The following NLK variants were observed in gnomAD, a reference collection of about 807,000 sequenced individuals.
The protein encoded by NLK is nemo like kinase.
A neutral mutation model predicts 59.0 loss-of-function variants in NLK; 11 were observed. The ratio of observed to expected loss-of-function variants is 0.19; its 90% CI spans 0.12 to 0.31. The LOEUF is 0.31. Among genes scored for constraint, NLK ranks in the 10% least tolerant of loss-of-function variants. The probability of loss-of-function intolerance (pLI) is 1.00; values close to 1 mark genes in which losing one functional copy is unlikely to be tolerated. For synonymous variants in NLK, 235 were observed against 235.9 expected (o/e 1.00, Z 0.03); for missense variants, 410 against 661.1 (o/e 0.62, Z 4.16).
At chr17:28,203,164 T>TACACAC in the NLK span, among the ~76,000 whole-genome samples, 2,803 of 136,994 alleles carry the variant, frequency 0.02, 85 homozygotes, top group African/African-American at 0.051. Flanking sequence ...TATACATACA[T>TACACAC]ACACACACAC....
At chr17:28,180,795 A>G (rs1908873758) in intron 7 of NLK, among the ~76,000 whole-genome samples, 1 of 152,236 alleles carries the variant, frequency 6.6e-6, no homozygotes, top group Admixed American at 6.5e-5. Flanking sequence ...AAAATTTTTC[A>G]GGAATATCAA....
Position 28,133,240 on chromosome 17 carries a change from T to C in NLK, c.644+565T>C, listed in dbSNP as rs541582430. Among the ~76,000 whole-genome samples the C allele has an allele frequency of 2.0e-5, 3 of 152,290 alleles. No homozygotes were observed. In the South Asian group the frequency reaches 6.2e-4, roughly 32 times the overall value. ...TGTTTATTTAATCCTACAAACATTC[T>C]CTGGGGAAGGTATTGTGATTATTCC... On this transcript the variant is annotated intron_variant, in intron 3 of 10. Coordinates refer to ENST00000407008, the MANE Select transcript of NLK (RefSeq NM_016231.5).
At position 28,127,798 on chromosome 17, in the gene NLK, G is replaced by A. The variant is rs79580295; in HGVS notation, c.589-4822G>A. On this transcript the variant is annotated intron_variant, in intron 2 of 10. Coordinates refer to ENST00000407008, the MANE Select transcript of NLK (RefSeq NM_016231.5). Reference sequence around the variant, plus strand: ...AAATAGCCCAGACAATCTTAAAGAAGTTAAATAAAGTTAGAAATTCATACT... The same window carrying A: ...AAATAGCCCAGACAATCTTAAAGAAATTAAATAAAGTTAGAAATTCATACT... Among the ~76,000 whole-genome samples, 27 of 152,264 alleles carry A rather than the reference G, an allele frequency of 1.8e-4. No homozygotes were observed. The East Asian group carries it at 5.0e-3, about 28-fold the overall frequency.
chr17:28,202,254 G>T, the NLK span, among the ~76,000 whole-genome samples: 2 of 152,150 alleles, frequency 1.3e-5, no homozygotes, highest in Non-Finnish European at 2.9e-5. Flanking sequence ...TTAAAAATTA[G>T]CTGGACATGG....
intron 2 of NLK, among the ~76,000 whole-genome samples, chr17:28,125,876 TATTA>T (rs1906271135): frequency 6.6e-6 from 1 of 152,208 alleles, no homozygotes; most frequent in Non-Finnish European, 1.5e-5. Context: ...ACTTTACATA[TATTA>T]ATTAATTTAC....
chr17:28,075,935 A>G lies in NLK; in HGVS notation c.458+32604A>G, dbSNP rs143496700. On this transcript the variant is annotated intron_variant, in intron 1 of 10. Coordinates refer to ENST00000407008, the MANE Select transcript of NLK (RefSeq NM_016231.5). ...CTAAAAACGTCAACAGATAAAATCT[A>G]TCTTTAAAAAACATTTACCCATACA... is the stretch of plus-strand genomic sequence containing the variant. Among the ~76,000 whole-genome samples the G allele has an allele frequency of 3.1e-4, 47 of 152,360 alleles. No homozygotes were observed. In the East Asian group the frequency reaches 7.3e-3, roughly 24 times the overall value.
chr17:28,129,819 G>C (rs1257772715), intron 2 of NLK, among the ~76,000 whole-genome samples: 3 of 152,040 alleles, frequency 2.0e-5, no homozygotes, highest in African/African-American at 7.2e-5. Flanking sequence ...ATTATTCACA[G>C]GAATTATTTT....
intron 4 of NLK, 61 bp downstream of exon 4, chr17:28,161,327 C>T (rs1907994926): frequency 3.3e-6 from 3 of 906,024 alleles, no homozygotes; most frequent in Admixed American, 3.8e-5. Flanking sequence ...TTTTGCTTCT[C>T]ATTTAGACTT....
At chr17:28,185,665 G>A (rs1176219315) in intron 8 of NLK, among the ~76,000 whole-genome samples, 2 of 151,886 alleles carry the variant, frequency 1.3e-5, no homozygotes, top group African/African-American at 2.4e-5. Flanking sequence ...CCTCCTACCC[G>A]AGCCCCCTGA....
At chr17:28,175,241 C>T (rs1352090285) in intron 7 of NLK, among the ~76,000 whole-genome samples, 2 of 150,966 alleles carry the variant, frequency 1.3e-5, no homozygotes, top group East Asian at 2.0e-4. Flanking sequence ...GTCAGGAGAT[C>T]GAGATCATCC....
chr17:28,055,095 CT>C (rs1041966713), intron 1 of NLK, among the ~76,000 whole-genome samples: 4,342 of 132,012 alleles, frequency 0.033, 137 homozygotes, highest in African/African-American at 0.11. Context: ...ATTTTTTTTT[CT>C]TTTTTTTTTT....
chr17:28,082,416 T>C (rs1045758258), intron 1 of NLK, among the ~76,000 whole-genome samples: 1 of 152,230 alleles, frequency 6.6e-6, no homozygotes, highest in African/African-American at 2.4e-5. Context: ...ACCTGAATTA[T>C]AAGGAAATAC....
chr17:28,052,123 C>T (rs1909278230), intron 1 of NLK, among the ~76,000 whole-genome samples: 1 of 152,070 alleles, frequency 6.6e-6, no homozygotes, highest in Non-Finnish European at 1.5e-5. Flanking sequence ...TGAGCAATTT[C>T]TTCTACATGT....
In NLK at chr17:28,115,707, T is replaced by C. The variant is rs542251349; in HGVS notation, c.459-6896T>C. Among the ~76,000 whole-genome samples, 38 of 152,284 alleles carry C rather than the reference T, an allele frequency of 2.5e-4. No individual in the cohort carries two copies. In the South Asian group the frequency reaches 7.0e-3, roughly 28 times the overall value. On this transcript the variant is annotated intron_variant, in intron 1 of 10. Coordinates refer to ENST00000407008, the MANE Select transcript of NLK (RefSeq NM_016231.5). ...TTGGGGGGAGTTGACAATTTTACAA[T>C]GTTGAGTTTTCTAATCTGTGAATAT...
chr17:28,182,697 C>T (rs1908957403), intron 7 of NLK, among the ~76,000 whole-genome samples: 1 of 151,760 alleles, frequency 6.6e-6, no homozygotes, highest in Non-Finnish European at 1.5e-5. Flanking sequence ...CCTTCCCCCA[C>T]CACCCCACCC....
At chr17:28,157,214 CAA>C (rs1298327229) in intron 3 of NLK, among the ~76,000 whole-genome samples, 1 of 151,676 alleles carries the variant, frequency 6.6e-6, no homozygotes, top group African/African-American at 2.4e-5. Flanking sequence ...TTTTTTAAGA[CAA>C]AGTCTTGCTC....
At position 28,045,042 on chromosome 17, in the gene NLK, G is replaced by A. The variant is rs113589059; in HGVS notation, c.458+1711G>A. Reference sequence around the variant, plus strand: ...GAAGGGGGCAATAAAGAACTGGAGTGCTGAAACATCTCACACAGCAAACGT... The same window carrying A: ...GAAGGGGGCAATAAAGAACTGGAGTACTGAAACATCTCACACAGCAAACGT... On this transcript the variant is annotated intron_variant, in intron 1 of 10. Coordinates refer to ENST00000407008, the MANE Select transcript of NLK (RefSeq NM_016231.5). 6.5e-3 allele frequency among the ~76,000 whole-genome samples: 995 copies of A among 152,228 alleles called. 17 individuals are homozygous for A. Among genetic ancestry groups the A allele is most frequent in the African/African-American group, 0.022 (929 of 41,530 alleles).
rs1416186833 is a variant in NLK, at chr17:28,195,458, A to G, written c.*822A>G. ...TTCAAAAGAATCCCAATATTGCTGT[A>G]TAGAAAGAGAACTAGCTTGCACATT... is the stretch of plus-strand genomic sequence containing the variant. On this transcript the variant is annotated 3_prime_UTR_variant, in exon 11 of 11. Coordinates refer to ENST00000407008, the MANE Select transcript of NLK (RefSeq NM_016231.5). 4.6e-5 allele frequency: 7 copies of G among 152,518 alleles called. No homozygotes were observed. 9.4% of individuals were successfully genotyped at this position (152,518 alleles called of 1,614,324 possible).
At chr17:28,118,200 TAG>T (rs1404320914) in intron 1 of NLK, among the ~76,000 whole-genome samples, 1 of 152,144 alleles carries the variant, frequency 6.6e-6, no homozygotes, top group African/African-American at 2.4e-5. Flanking sequence ...TCTAAATATT[TAG>T]AGTTTAGTTA....
Sources: allele counts gnomAD v4.1 joint callset (sites outside exome capture counted in the v4.1 genomes callset), GRCh38; gene constraint gnomAD v4.1.1; transcripts MANE v1.5; gene names NCBI Gene and HGNC (gene_info 2026-07-23, HGNC 2026-07-21).